Variants in UNC79 observed in about 807,000 individuals in gnomAD.
UNC79 encodes the protein protein unc-79 homolog.
Under a neutral mutation model 283.1 loss-of-function variants are expected in UNC79, and 37 were observed. That is an observed-to-expected ratio of 0.13 (90% CI 0.10 to 0.17). The LOEUF is 0.17. Ranked by LOEUF, UNC79 falls within the 10% of genes least tolerant of loss-of-function variation. The pLI is 1.00. For missense variants in UNC79, 2,272 were observed against 3,211.1 expected (o/e 0.71, Z 7.07); for synonymous variants, 1,107 against 1,200.2 (o/e 0.92, Z 1.61).
intron 24 of UNC79, 52 bp from the exon 25 acceptor site, chr14:93,600,517 T>G: frequency 7.1e-7 from 1 of 1,401,050 alleles, no homozygotes; most frequent in South Asian, 1.3e-5. Context: ...GTAACTTAGA[T>G]GTTTATATCT....
intron 1 of UNC79, among the ~76,000 whole-genome samples, chr14:93,367,022 A>G (rs942522373): frequency 4.6e-5 from 7 of 151,952 alleles, no homozygotes; most frequent in African/African-American, 1.7e-4. Flanking sequence ...ACAGACATCT[A>G]TTTTTTTCCC....
At chr14:93,504,246 C>T (rs2059428872) in intron 7 of UNC79, among the ~76,000 whole-genome samples, 3 of 127,118 alleles carry the variant, frequency 2.4e-5, no homozygotes, top group South Asian at 5.5e-4. Flanking sequence ...CCTACCTTCT[C>T]CTCTTTCTGT....
chr14:93,341,509 A>G (rs1281350807), intron 1 of UNC79, among the ~76,000 whole-genome samples: 1 of 151,910 alleles, frequency 6.6e-6, no homozygotes, highest in East Asian at 1.9e-4. Context: ...TTATGCCTGC[A>G]ATCCTAGCAC....
intron 1 of UNC79, among the ~76,000 whole-genome samples, chr14:93,461,980 GA>G (rs137964992): frequency 7.0e-6 from 1 of 143,866 alleles, no homozygotes; most frequent in African/African-American, 2.5e-5. Flanking sequence ...AAAAAAGAAA[GA>G]AAAGAAACAC....
chr14:93,401,704 A>G (rs746922045), intron 1 of UNC79, among the ~76,000 whole-genome samples: 2 of 152,218 alleles, frequency 1.3e-5, no homozygotes, highest in South Asian at 2.1e-4. Flanking sequence ...TCAGATAGCT[A>G]TAGGTACAGC....
chr14:93,454,138 G>GT (rs2140183410), intron 1 of UNC79, among the ~76,000 whole-genome samples: 1 of 151,638 alleles, frequency 6.6e-6, no homozygotes, highest in East Asian at 1.9e-4. Context: ...AATCTTCTGG[G>GT]CTCAAACCAC....
At position 93,688,691 on chromosome 14, in the gene UNC79, T is replaced by C. The variant is rs199612305; in HGVS notation, c.6936T>C (p.Pro2312=). Residue 2312 remains proline (P), a synonymous_variant, in exon 44 of 49, where the codon CCT becomes CCC. Transcript: ENST00000555664. The surrounding 1 kb of genome is among the most constrained non-coding windows in gnomAD (Gnocchi z 4.0). The stretch of plus-strand genomic sequence containing the variant: ...GCCACATGAAGACATGTTCCCAGCC[T>C]CTGCATGAAGATACCTTTGGGGGAC... 126 of 1,613,956 alleles carry C rather than the reference T, an allele frequency of 7.8e-5. No individual in the cohort carries two copies. The highest frequency in any genetic ancestry group is 1.0e-4 in the Admixed American group (6 of 59,994).
At chr14:93,342,981 TATATC>T (rs1273931902) in intron 1 of UNC79, among the ~76,000 whole-genome samples, 1 of 151,994 alleles carries the variant, frequency 6.6e-6, no homozygotes, top group Non-Finnish European at 1.5e-5. Context: ...CATGGTATCA[TATATC>T]ATACTATCAG....
chr14:93,547,833 A>G (rs1323688923), intron 14 of UNC79, among the ~76,000 whole-genome samples: 2 of 151,930 alleles, frequency 1.3e-5, no homozygotes, highest in East Asian at 3.9e-4. Context: ...TCTACAAAAA[A>G]TAAAAAAAAA....
chr14:93,337,379 G>C (rs958812814), intron 1 of UNC79, among the ~76,000 whole-genome samples: 1 of 152,224 alleles, frequency 6.6e-6, no homozygotes, highest in African/African-American at 2.4e-5. Flanking sequence ...ACAAGAACTC[G>C]GGAACCTTCG....
At chr14:93,334,809 G>C (rs1168704523) in intron 1 of UNC79, 1 of 152,102 alleles carries the variant, frequency 6.6e-6, no homozygotes, top group Non-Finnish European at 1.5e-5. Context: ...GGGTATATGT[G>C]GTGGGTCCTG....
intron 1 of UNC79, among the ~76,000 whole-genome samples, chr14:93,423,652 G>T (rs1289425756): frequency 2.6e-5 from 4 of 152,150 alleles, no homozygotes; most frequent in African/African-American, 9.7e-5. Context: ...TGGAAAACTG[G>T]ATGTCCATAT....
At chr14:93,448,988 A>G (rs1398921193) in intron 1 of UNC79, among the ~76,000 whole-genome samples, 3 of 152,126 alleles carry the variant, frequency 2.0e-5, no homozygotes, top group African/African-American at 7.2e-5. Flanking sequence ...GCCCCACAGT[A>G]CCTGTTGATG....
intron 11 of UNC79, among the ~76,000 whole-genome samples, chr14:93,536,401 TC>T (rs2141119980): frequency 6.6e-6 from 1 of 152,296 alleles, no homozygotes; most frequent in African/African-American, 2.4e-5. Flanking sequence ...GGCCCCACCC[TC>T]TGGGAGATGC....
chr14:93,426,960 G>A (rs1468897208), upstream of UNC79, among the ~76,000 whole-genome samples: 1 of 152,052 alleles, frequency 6.6e-6, no homozygotes, highest in Non-Finnish European at 1.5e-5. Context: ...TAGTGTTGTG[G>A]AGACTCTGTA....
chr14:93,704,506 C>T, intron 47 of UNC79, 119 bp from the exon 51 acceptor site: 4 of 1,162,894 alleles, frequency 3.4e-6, no homozygotes, highest in Admixed American at 3.5e-5. Flanking sequence ...TGCAGCAGGG[C>T]CCACATCCGT....
At chr14:93,643,726 AGGAAGG>A in intron 34 of UNC79, 29 bp downstream of exon 37, 2 of 1,609,496 alleles carry the variant, frequency 1.2e-6, no homozygotes, top group Non-Finnish European at 1.7e-6. Context: ...TTTGTTTGGT[AGGAAGG>A]TCCTTTATTC....
intron 46 of UNC79, among the ~76,000 whole-genome samples, chr14:93,692,338 A>G (rs531311918): frequency 1.1e-4 from 16 of 152,354 alleles, no homozygotes; most frequent in African/African-American, 3.6e-4. Context: ...TTATATTGAT[A>G]TATGAATATT....
chr14:93,540,968 A>C, intron 13 of UNC79, 137 bp downstream of exon 13: 20 of 1,025,518 alleles, frequency 2.0e-5, no homozygotes, highest in Non-Finnish European at 2.5e-5. Flanking sequence ...AAGCTATGGC[A>C]ATAGCTGTCA....
Sources: allele counts gnomAD v4.1 joint callset (sites outside exome capture counted in the v4.1 genomes callset), GRCh38; gene constraint gnomAD v4.1.1; non-coding constraint Gnocchi (gnomAD v3.1); transcripts MANE v1.5; gene names NCBI Gene and HGNC (gene_info 2026-07-23, HGNC 2026-07-21).